DST: variants seen among roughly 807,000 people sequenced by gnomAD.
DST encodes the protein dystonin, also known as bullous pemphigoid antigen.
A neutral mutation model predicts 875.2 loss-of-function variants in DST; 253 were observed. The observed-to-expected ratio is 0.29, with a 90% CI of 0.26 to 0.32. DST has a LOEUF of 0.32. Among genes scored for constraint, DST ranks in the 10% least tolerant of loss-of-function variants. The pLI is 1.00. For missense variants in DST, 8,287 were observed against 9,111.6 expected, an observed-to-expected ratio of 0.91 and a Z score of 3.68; for synonymous variants, 3,124 against 3,197.1, an observed-to-expected ratio of 0.98 and a Z score of 0.77.
intron 4 of DST, among the ~76,000 whole-genome samples, chr6:56,760,770 C>A (rs193186345): frequency 1.2e-4 from 19 of 152,246 alleles, no homozygotes; most frequent in Admixed American, 9.8e-4. Context: ...GTTTTGAGTA[C>A]TTTTCATGTA....
chr6:56,769,829 A>G (rs1394755333), intron 4 of DST, among the ~76,000 whole-genome samples: 1 of 152,198 alleles, frequency 6.6e-6, no homozygotes, highest in African/African-American at 2.4e-5. Flanking sequence ...CCGTTTCACA[A>G]AGAAGGAAAG....
chr6:56,527,585 T>A lies in DST; in HGVS notation c.17830A>T (p.Thr5944Ser). Residue 5944 changes from threonine to serine, a missense_variant, in exon 68 of 104, where the codon ACC (threonine) becomes TCC (serine). By Grantham distance (58) the Thr-to-Ser change is moderately conservative. Coordinates refer to ENST00000680361, the MANE Select transcript of DST (RefSeq NM_001374736.1). ...TCCACCTCCACTTTGTCCAGCCAGG[T>A]ACACAGCTCTTCGTGTGTGGAGTGC... is the stretch of plus-strand genomic sequence containing the variant. Reference protein sequence around the residue: ...RLHSTHEELCTWLDKVEVELL... With the variant: ...RLHSTHEELCSWLDKVEVELL... 1 of 1,613,900 alleles carries A rather than the reference T, an allele frequency of 6.2e-7. No homozygotes were observed. The highest frequency in any genetic ancestry group is 8.5e-7 in the Non-Finnish European group (1 of 1,179,846).
At chr6:56,844,118 T>C (rs1227786045) in intron 4 of DST, 1 of 152,468 alleles carries the variant, frequency 6.6e-6, no homozygotes, top group Non-Finnish European at 1.5e-5. Flanking sequence ...ACCCATCTTT[T>C]TGGCGTGGGA....
intron 4 of DST, among the ~76,000 whole-genome samples, chr6:56,819,977 A>T (rs2099771161): frequency 6.6e-6 from 1 of 152,240 alleles, no homozygotes; most frequent in Non-Finnish European, 1.5e-5. Context: ...GTCATAAAAT[A>T]ATTCTGAACC....
intron 23 of DST, among the ~76,000 whole-genome samples, 174 bp from the exon 24 acceptor site, chr6:56,635,888 T>C (rs1484594787): frequency 2.6e-5 from 4 of 152,182 alleles, no homozygotes; most frequent in Non-Finnish European, 4.4e-5. Context: ...ACCCTTGAAG[T>C]TGAATAGTTA....
At chr6:56,911,499 T>C (rs73459726) in intron 2 of DST, among the ~76,000 whole-genome samples, 6,237 of 152,222 alleles carry the variant, frequency 0.041, 430 homozygotes, top group African/African-American at 0.14. Context: ...AAGCAGCTAG[T>C]GGAGTGGAAT....
At chr6:56,520,840 C>T (rs541751449) in intron 69 of DST, among the ~76,000 whole-genome samples, 1 of 152,118 alleles carries the variant, frequency 6.6e-6, no homozygotes, top group Non-Finnish European at 1.5e-5. Flanking sequence ...AATTGCCCTT[C>T]AGGTAGAATG....
chr6:56,618,844 C>A, intron 36 of DST: 1 of 1,614,126 alleles, frequency 6.2e-7, no homozygotes, highest in East Asian at 2.2e-5. Flanking sequence ...GGGTCATCTG[C>A]TCCTCTATGG....
chr6:56,605,529 A>G lies in DST; in HGVS notation c.9099T>C (p.Ile3033=). 1 of 1,613,016 alleles carries G rather than the reference A, an allele frequency of 6.2e-7. No individual in the cohort carries two copies. The highest frequency in any genetic ancestry group is 1.7e-4 in the Middle Eastern group (1 of 6,056). ...KDPQGNGSDL[I]KGRDGKSDIL... ...TATCACTTTTGCCATCTCTCCCTTT[A>G]ATGAGATCGCTTCCATTTCCTTGAG... Residue 3033 remains isoleucine (I), a synonymous_variant, in exon 40 of 104, where the codon ATT becomes ATC. Transcript: ENST00000680361.
chr6:56,935,220 C>T (rs1022313231), intron 2 of DST, among the ~76,000 whole-genome samples: 1 of 152,110 alleles, frequency 6.6e-6, no homozygotes, highest in Admixed American at 6.5e-5. Context: ...TTCAGACATA[C>T]AGCTAGGTAA....
intron 4 of DST, among the ~76,000 whole-genome samples, chr6:56,740,459 G>GGT (rs2152936447): frequency 1.3e-5 from 2 of 152,340 alleles, no homozygotes; most frequent in South Asian, 4.1e-4. Flanking sequence ...AGGGCAGTCA[G>GGT]GTGGGGCTTA....
At chr6:56,521,601 G>GAAAAAA (rs10547460) in intron 69 of DST, among the ~76,000 whole-genome samples, 4 of 92,034 alleles carry the variant, frequency 4.3e-5, no homozygotes, top group East Asian at 3.3e-4. Flanking sequence ...CTCTGCTAAG[G>GAAAAAA]AAAAAAAAAA....
intron 9 of DST, among the ~76,000 whole-genome samples, chr6:56,691,955 G>A (rs2099233286): frequency 6.6e-6 from 1 of 152,288 alleles, no homozygotes; most frequent in South Asian, 2.1e-4. Flanking sequence ...CAGCAAGTCG[G>A]TATTGACTGA....
intron 102 of DST, among the ~76,000 whole-genome samples, chr6:56,462,590 A>ATTCAGT (rs1470622415): frequency 6.6e-6 from 1 of 152,188 alleles, no homozygotes; most frequent in Non-Finnish European, 1.5e-5. Context: ...CACAGTGAAC[A>ATTCAGT]TTCAGTAAAC....
chr6:56,694,297 T>C (rs1563722224), intron 9 of DST, among the ~76,000 whole-genome samples: 1 of 151,776 alleles, frequency 6.6e-6, no homozygotes, highest in African/African-American at 2.4e-5. Flanking sequence ...AAATTAATAA[T>C]TGCCTTTCAC....
chr6:56,595,229 C>T (rs1443489749), intron 47 of DST, among the ~76,000 whole-genome samples: 1 of 152,078 alleles, frequency 6.6e-6, no homozygotes, highest in African/African-American at 2.4e-5. Flanking sequence ...TCCATCCCCA[C>T]CCTGGTAAAC....
At chr6:56,482,358 A>C in intron 89 of DST, 180 bp from the exon 90 acceptor site, 2 of 739,274 alleles carry the variant, frequency 2.7e-6, no homozygotes, top group Non-Finnish European at 3.9e-6. Flanking sequence ...AAAACACTTA[A>C]TATATTAAAA....
chr6:56,485,018 T>C (rs1358785894), intron 88 of DST: 1 of 300,816 alleles, frequency 3.3e-6, no homozygotes, highest in Non-Finnish European at 6.1e-6. Context: ...TAAAACATTC[T>C]TGAAATCTGT....
chr6:56,721,205 C>T (rs934645160), intron 5 of DST, among the ~76,000 whole-genome samples: 23 of 92,220 alleles, frequency 2.5e-4, no homozygotes, highest in Non-Finnish European at 4.4e-4. Context: ...CCCCACCTCC[C>T]AGATGGGGCA....
Sources: allele counts gnomAD v4.1 joint callset (sites outside exome capture counted in the v4.1 genomes callset), GRCh38; gene constraint gnomAD v4.1.1; transcripts MANE v1.5; gene names NCBI Gene and HGNC (gene_info 2026-07-23, HGNC 2026-07-21).